STAT2: variants seen among roughly 807,000 people sequenced by gnomAD.
The protein encoded by STAT2 is signal transducer and activator of transcription 2.
In STAT2, 51 loss-of-function variants were observed where a neutral mutation model predicts 122.3. That is an observed-to-expected ratio of 0.42 (90% CI 0.33 to 0.53). The LOEUF is 0.53. STAT2 is among the 20% of genes least tolerant of loss of function. The pLI, the probability that STAT2 is intolerant of heterozygous loss-of-function variation, is 0.10. For synonymous variants in STAT2, 351 were observed against 394.9 expected, an observed-to-expected ratio of 0.89 and a Z score of 1.32; for missense variants, 736 against 1,010.3, an observed-to-expected ratio of 0.73 and a Z score of 3.68.
At chr12:56,355,614 C>G in intron 4 of STAT2, 82 bp from the exon 5 acceptor site, 1 of 1,596,724 alleles carries the variant, frequency 6.3e-7, no homozygotes, top group Non-Finnish European at 8.6e-7. Context: ...CACAGGATGT[C>G]GGGGGGATCC....
At position 56,343,815 on chromosome 12, in the gene STAT2, C is replaced by G; in HGVS notation, c.2413+10G>C. 6.2e-7 allele frequency: 1 copy of G among 1,613,566 alleles called. No homozygotes were observed. Among genetic ancestry groups the G allele is most frequent in the Non-Finnish European group, 8.5e-7 (1 of 1,179,464 alleles). ...TGTGCCATCTTCCATAGCTCCATCT[C>G]ATCACTTACTTTCCATTGGCTCAGT... On this transcript the variant is annotated intron_variant, in intron 23 of 23. Transcript: ENST00000314128.
chr12:56,355,826 A>T (rs1040948796), intron 3 of STAT2, 23 bp from the exon 4 acceptor site: 2 of 1,605,198 alleles, frequency 1.2e-6, no homozygotes, highest in Non-Finnish European at 1.7e-6. Context: ...AACAGAAAGG[A>T]TTGATCCAAT....
At chr12:56,359,762 A>G (rs994114298) in intron 1 of STAT2, among the ~76,000 whole-genome samples, 1 of 152,138 alleles carries the variant, frequency 6.6e-6, no homozygotes, top group Non-Finnish European at 1.5e-5. Context: ...TTTTTTGGTG[A>G]AGATAAAAAA....
chr12:56,357,333 G>A (rs1879666972), intron 1 of STAT2, among the ~76,000 whole-genome samples: 1 of 151,594 alleles, frequency 6.6e-6, no homozygotes, highest in Non-Finnish European at 1.5e-5. Context: ...AGCCACTGTG[G>A]TCCCAACCTG....
Position 56,346,566 on chromosome 12 carries a change from C to T in STAT2, c.1920G>A (p.Pro640=), listed in dbSNP as rs764359554. The change falls in exon 21 of 24, where the codon CCG becomes CCA. Residue 640 remains proline, a synonymous_variant. Coordinates refer to ENST00000314128, the MANE Select transcript of STAT2 (RefSeq NM_005419.4). Reference sequence around the variant, plus strand: ...GGTAATGGCGGATGATTTCAGTCAGCGGGAGTGACTGCAGCACCTCCTTCG... The same window carrying T: ...GGTAATGGCGGATGATTTCAGTCAGTGGGAGTGACTGCAGCACCTCCTTCG... ...PYTKEVLQSL[P]LTEIIRHYQL... is the part of the protein sequence containing the mutation. The T allele has an allele frequency of 9.9e-6, 16 of 1,614,132 alleles. No individual in the cohort carries two copies. Among genetic ancestry groups the T allele is most frequent in the Non-Finnish European group, 1.3e-5 (15 of 1,180,014 alleles).
intron 13 of STAT2, 24 bp downstream of exon 13, chr12:56,350,073 G>C (rs756192678): frequency 1.9e-6 from 3 of 1,577,054 alleles, no homozygotes; most frequent in Admixed American, 1.7e-5. Context: ...AGTAATAAAA[G>C]CATAGGTCAC....
At position 56,355,163 on chromosome 12, in the gene STAT2, G is replaced by A. The variant is rs1879306383; in HGVS notation, c.547+113C>T. The stretch of plus-strand genomic sequence containing the variant: ...TTGCACGGCAGCAGGACTGTAGTCA[G>A]TGGGGTGTGTCTGACAGTGACTACT... On this transcript the variant is annotated intron_variant, in intron 6 of 23. Coordinates refer to ENST00000314128, the MANE Select transcript of STAT2 (RefSeq NM_005419.4). The A allele has an allele frequency of 1.0e-5, 13 of 1,247,260 alleles. No homozygotes were observed. The South Asian group carries it at 1.6e-4, about 16-fold the overall frequency. 77.3% of individuals were successfully genotyped at this position (1,247,260 alleles called of 1,614,324 possible).
intron 8 of STAT2, among the ~76,000 whole-genome samples, chr12:56,353,325 G>T (rs1016526333): frequency 1.3e-5 from 2 of 151,464 alleles, no homozygotes; most frequent in Non-Finnish European, 2.9e-5. Context: ...TAGAGATGGG[G>T]TCTTGTTATG....
In STAT2 at chr12:56,351,187, G is replaced by A; in HGVS notation, c.945C>T (p.Ala315=). 1 of 1,613,652 alleles carries A rather than the reference G, an allele frequency of 6.2e-7. No homozygotes were observed. ...TELLQRLLHR[A]FVVETQPCMP... is the part of the protein sequence containing the mutation. ...TGCAGGGCTGGGTTTCTACCACAAA[G>A]GCTCTGAGGAGAGAGAGGTGTGGAG... is the stretch of plus-strand genomic sequence containing the variant. The change falls in exon 10 of 24, where the codon GCC becomes GCT. Residue 315 remains alanine (A), a synonymous_variant. Coordinates refer to ENST00000314128, the MANE Select transcript of STAT2 (RefSeq NM_005419.4).
intron 1 of STAT2, 76 bp from the exon 2 acceptor site, chr12:56,356,654 T>C: frequency 6.6e-7 from 1 of 1,525,854 alleles, no homozygotes; most frequent in South Asian, 1.2e-5. Flanking sequence ...GATTGTTCAT[T>C]ATTACTAATT....
intron 2 of STAT2, 66 bp downstream of exon 2, chr12:56,356,375 A>G (rs1380948268): frequency 6.2e-7 from 1 of 1,607,046 alleles, no homozygotes; most frequent in Non-Finnish European, 8.5e-7. Context: ...TAATGATTCC[A>G]GGATCCCGGG....
Position 56,344,880 on chromosome 12 carries a change from C to T in STAT2, c.2103-745G>A, listed in dbSNP as rs1173124326. Among the ~76,000 whole-genome samples the T allele has an allele frequency of 1.4e-4, 21 of 152,236 alleles. No homozygotes were observed. In the East Asian group the frequency reaches 1.7e-3, roughly 13 times the overall value. On this transcript the variant is annotated intron_variant, in intron 22 of 23. Transcript: ENST00000314128. ...ATTAGCCAGGTGTGGTGGTTGTGCG[C>T]GCTTGTAGTCCCAGCTACTCAGGAG...
rs1010199672 is a variant in STAT2 at position 56,343,178 on chromosome 12, G to C, written c.*211C>G. 6.6e-6 allele frequency: 4 copies of C among 603,622 alleles called. No homozygotes were observed. The African/African-American group carries it at 7.4e-5, about 11-fold the overall frequency. The allele number at this position is 603,622 out of a possible 1,614,324, so 37.4% of individuals were successfully genotyped here. ...CCTCCAGGATCCTATTTAGACCTAT[G>C]GCTCAGCATCTGTTCTGATTCATTG... is the stretch of plus-strand genomic sequence containing the variant. On this transcript the variant is annotated 3_prime_UTR_variant, in exon 24 of 24. Transcript: ENST00000314128.
intron 22 of STAT2, among the ~76,000 whole-genome samples, chr12:56,345,524 A>AAAAATATATATATATAT (rs1555169410): frequency 3.8e-5 from 1 of 26,250 alleles, no homozygotes; most frequent in African/African-American, 5.3e-4. Flanking sequence ...AAAAAAAAAA[A>AAAAATATATATATATAT]ATATATATAT....
intron 8 of STAT2, among the ~76,000 whole-genome samples, chr12:56,354,014 A>ATATTTATATATATATATATATATATAT (rs1380819769): frequency 9.9e-5 from 2 of 20,184 alleles, no homozygotes; most frequent in Non-Finnish European, 3.8e-4. Flanking sequence ...AAAAAAAAAA[A>ATATTTATATATATATATATATATATAT]AAATATATAT....
At chr12:56,350,603 G>A (rs1390078544) in intron 11 of STAT2, among the ~76,000 whole-genome samples, 171 bp from the exon 12 acceptor site, 1 of 152,222 alleles carries the variant, frequency 6.6e-6, no homozygotes, top group Admixed American at 6.5e-5. Context: ...TGTTTGTACA[G>A]TGCACTGGTA....
intron 1 of STAT2, among the ~76,000 whole-genome samples, chr12:56,357,944 C>T (rs564229563): frequency 3.9e-5 from 6 of 152,094 alleles, no homozygotes; most frequent in African/African-American, 9.6e-5. Flanking sequence ...TCAAGTAATC[C>T]GCCTGCCTCA....
At position 56,343,529 on chromosome 12, in the gene STAT2, A is replaced by C. The variant is rs1480515518; in HGVS notation, c.2416T>G (p.Phe806Val). The change falls in exon 24 of 24, where the codon TTC becomes GTC. Residue 806 changes from phenylalanine to valine, a missense_variant and splice_region_variant. Phe to Val is a conservative substitution (Grantham distance 50). Coordinates refer to ENST00000314128, the MANE Select transcript of STAT2 (RefSeq NM_005419.4). ...TCTTCAATCTTTACACAGTTTCTGAAGACTAGGTAATCCAGAGAGAAAAGT... is the reference window on the plus strand; with the variant it reads ...TCTTCAATCTTTACACAGTTTCTGACGACTAGGTAATCCAGAGAGAAAAGT... The part of the protein sequence containing the change: ...RHLNTEPMEI[F>V]RNCVKIEEIM... The C allele has an allele frequency of 6.2e-7, 1 of 1,613,512 alleles. No individual in the cohort carries two copies. Among genetic ancestry groups the C allele is most frequent in the Admixed American group, 1.7e-5 (1 of 59,940 alleles).
rs761370532 is a variant in STAT2 at position 56,356,525 on chromosome 12, T to G, written c.47A>C (p.Asp16Ala). Residue 16 changes from aspartate to alanine, a missense_variant, in exon 2 of 24, where the codon GAT (aspartate) becomes GCT (alanine). Coordinates refer to ENST00000314128, the MANE Select transcript of STAT2 (RefSeq NM_005419.4). ...GTGCGAGTAAAGCTGGTGCAGCTGATCCTGAAAGGGGCTGTCAAGATTCTG... is the reference window on the plus strand; with the variant it reads ...GTGCGAGTAAAGCTGGTGCAGCTGAGCCTGAAAGGGGCTGTCAAGATTCTG... ...MLQNLDSPFQ[D>A]QLHQLYSHSL... is the part of the protein sequence containing the mutation. The G allele has an allele frequency of 6.2e-7, 1 of 1,614,238 alleles. No homozygotes were observed. The highest frequency in any genetic ancestry group is 8.5e-7 in the Non-Finnish European group (1 of 1,180,042).
Sources: gnomAD v4.1 joint callset for allele counts (sites outside exome capture counted in the v4.1 genomes callset) on GRCh38, gnomAD v4.1.1 for gene constraint, MANE v1.5 for transcripts, NCBI Gene and HGNC (gene_info 2026-07-23, HGNC 2026-07-21) for gene names.